The following PDE4D variants were observed in gnomAD, a reference collection of about 807,000 sequenced individuals.
The protein encoded by PDE4D is phosphodiesterase 4D.
Under a neutral mutation model 87.4 loss-of-function variants are expected in PDE4D, and 24 were observed. That is an observed-to-expected ratio of 0.27 (90% CI 0.20 to 0.39). The LOEUF is 0.39. Ranked by LOEUF, PDE4D falls within the 10% of genes least tolerant of loss-of-function variation. The pLI, the probability that PDE4D is intolerant of heterozygous loss-of-function variation, is 1.00. For missense variants in PDE4D, 714 were observed against 1,041.0 expected (o/e 0.69, Z 4.32); for synonymous variants, 384 against 383.2 (o/e 1.00, Z -0.02).
At chr5:60,100,043 C>T (rs1453530525) in intron 2 of PDE4D, among the ~76,000 whole-genome samples, 1 of 151,786 alleles carries the variant, frequency 6.6e-6, no homozygotes, top group African/African-American at 2.4e-5. Flanking sequence ...GATATTTCCA[C>T]ATAGTGGAAT....
upstream of PDE4D, chr5:59,893,815 C>T: frequency 7.5e-7 from 1 of 1,329,550 alleles, no homozygotes; most frequent in Non-Finnish European, 9.5e-7. Context: ...CGGGAGGGGT[C>T]ACAGAACGCG....
chr5:60,291,868 C>T (rs1043873028), intron 1 of PDE4D, among the ~76,000 whole-genome samples: 10 of 152,076 alleles, frequency 6.6e-5, no homozygotes, highest in African/African-American at 2.4e-4. Flanking sequence ...TGTTTGCACA[C>T]AGATGTTCCC....
chr5:59,346,868 T>C (rs1157518219), intron 1 of PDE4D, among the ~76,000 whole-genome samples: 2 of 152,178 alleles, frequency 1.3e-5, no homozygotes, highest in African/African-American at 4.8e-5. Context: ...ACCAGTAAGA[T>C]GTGAGATAAA....
intron 1 of PDE4D, among the ~76,000 whole-genome samples, chr5:59,866,266 C>A (rs926388246): frequency 6.6e-6 from 1 of 152,140 alleles, no homozygotes; most frequent in Non-Finnish European, 1.5e-5. Context: ...GATTCTCTCT[C>A]ATTATACTTT....
chr5:59,210,337 C>T (rs1432695342), intron 2 of PDE4D, among the ~76,000 whole-genome samples: 1 of 152,136 alleles, frequency 6.6e-6, no homozygotes, highest in Non-Finnish European at 1.5e-5. Flanking sequence ...AATTCTTCTT[C>T]CTTTTTCAAA....
At chr5:59,672,334 T>G (rs1013401123) in intron 1 of PDE4D, among the ~76,000 whole-genome samples, 1 of 152,158 alleles carries the variant, frequency 6.6e-6, no homozygotes, top group Non-Finnish European at 1.5e-5. Context: ...CCAACAAGCA[T>G]GTACCTAATG....
At chr5:60,257,248 G>GAAAGA (rs1554193810) in intron 1 of PDE4D, among the ~76,000 whole-genome samples, 3 of 90,302 alleles carry the variant, frequency 3.3e-5, no homozygotes, top group East Asian at 4.1e-4. Flanking sequence ...AAGAAAGAAA[G>GAAAGA]AAAGAAAAGA....
At chr5:59,671,122 G>A (rs1332803676) in intron 1 of PDE4D, among the ~76,000 whole-genome samples, 1 of 152,162 alleles carries the variant, frequency 6.6e-6, no homozygotes. Flanking sequence ...GTCAAATACT[G>A]TTAGTGTATC....
intron 1 of PDE4D, among the ~76,000 whole-genome samples, chr5:59,641,422 C>A (rs1741565443): frequency 6.6e-6 from 1 of 152,206 alleles, no homozygotes; most frequent in Non-Finnish European, 1.5e-5. Context: ...AGAATCCCTT[C>A]TTTTCCCTCC....
At chr5:60,181,573 T>C (rs1183004125) in intron 2 of PDE4D, among the ~76,000 whole-genome samples, 2 of 152,114 alleles carry the variant, frequency 1.3e-5, no homozygotes, top group Admixed American at 6.5e-5. Flanking sequence ...TATCCAAAAG[T>C]AGAACATCCA....
At chr5:60,028,883 T>G (rs542541953) in intron 2 of PDE4D, among the ~76,000 whole-genome samples, 2 of 152,192 alleles carry the variant, frequency 1.3e-5, no homozygotes, top group East Asian at 3.9e-4. Context: ...CAATGACAAC[T>G]TCTCTAATCT....
chr5:60,184,696 T>G (rs996813950), intron 2 of PDE4D, among the ~76,000 whole-genome samples: 2 of 152,212 alleles, frequency 1.3e-5, no homozygotes, highest in Non-Finnish European at 2.9e-5. Context: ...ATAGAAAGAA[T>G]GAAAGATGGC....
chr5:59,746,620 A>C (rs998232285), intron 1 of PDE4D, among the ~76,000 whole-genome samples: 3 of 152,076 alleles, frequency 2.0e-5, no homozygotes, highest in African/African-American at 7.2e-5. Context: ...TGAAATCCCC[A>C]GCCTTCCCCA....
intron 5 of PDE4D, among the ~76,000 whole-genome samples, chr5:59,106,988 ATAAT>A (rs1305701456): frequency 6.6e-6 from 1 of 152,204 alleles, no homozygotes; most frequent in Non-Finnish European, 1.5e-5. Context: ...GTGAGAAATT[ATAAT>A]TATTTAGAGC....
At chr5:60,023,225 A>G (rs934651775) in intron 2 of PDE4D, among the ~76,000 whole-genome samples, 1 of 152,220 alleles carries the variant, frequency 6.6e-6, no homozygotes, top group Non-Finnish European at 1.5e-5. Context: ...GGTGCATAAT[A>G]AGCAGTCAAA....
chr5:60,220,184 A>G (rs1216726645), intron 1 of PDE4D, among the ~76,000 whole-genome samples: 1 of 152,144 alleles, frequency 6.6e-6, no homozygotes, highest in Middle Eastern at 3.2e-3. Flanking sequence ...CCTGTCCACA[A>G]GATCAGGTGC....
intron 1 of PDE4D, among the ~76,000 whole-genome samples, chr5:59,390,352 T>C (rs568298083): frequency 2.0e-5 from 3 of 152,286 alleles, no homozygotes; most frequent in African/African-American, 4.8e-5. Context: ...CAATAAATTA[T>C]TCTTCACTAC....
chr5:59,045,763 T>C (rs1055457540), intron 5 of PDE4D, among the ~76,000 whole-genome samples: 2 of 152,112 alleles, frequency 1.3e-5, no homozygotes, highest in Admixed American at 6.6e-5. Flanking sequence ...CTGTGTGACA[T>C]GGGATCTGAT....
intron 1 of PDE4D, among the ~76,000 whole-genome samples, chr5:59,332,483 C>T (rs1162600065): frequency 6.6e-6 from 1 of 152,116 alleles, no homozygotes; most frequent in African/African-American, 2.4e-5. Context: ...CTCTAATTCA[C>T]CCTTTCCAAG....
Sources: allele counts gnomAD v4.1 joint callset (sites outside exome capture counted in the v4.1 genomes callset), GRCh38; gene constraint gnomAD v4.1.1; transcripts MANE v1.5; gene names NCBI Gene and HGNC (gene_info 2026-07-23, HGNC 2026-07-21).